LIMA1: variants seen among roughly 807,000 people sequenced by gnomAD.
LIMA1 encodes the protein LIM domain and actin binding 1.
In LIMA1, 52 loss-of-function variants were observed where a neutral mutation model predicts 62.6. The ratio of observed to expected loss-of-function variants is 0.83; its 90% CI spans 0.67 to 1.05. The LOEUF (loss-of-function observed/expected upper bound fraction) is 1.05, where lower values mean the gene tolerates loss of function less well. LIMA1 is among the 50% of genes least tolerant of loss of function. The pLI, the probability that LIMA1 is intolerant of heterozygous loss-of-function variation, is 0.00. For synonymous variants in LIMA1, 302 were observed against 317.8 expected (o/e 0.95, Z 0.53); for missense variants, 780 against 902.2 (o/e 0.86, Z 1.74).
At chr12:50,273,386 A>C (rs1030122997) in intron 1 of LIMA1, among the ~76,000 whole-genome samples, 1 of 152,212 alleles carries the variant, frequency 6.6e-6, no homozygotes, top group African/African-American at 2.4e-5. Context: ...TTCAGTTGGC[A>C]GGGGAAAGAT....
chr12:50,178,218 T>G, intron 10 of LIMA1, 149 bp from the exon 11 acceptor site: 13 of 545,802 alleles, frequency 2.4e-5, no homozygotes, highest in Non-Finnish European at 3.6e-5. Flanking sequence ...AGGAATTCCT[T>G]ACCCCCATTT....
At chr12:50,219,837 T>G (rs1941411516) in intron 4 of LIMA1, 1 of 151,768 alleles carries the variant, frequency 6.6e-6, no homozygotes, top group African/African-American at 2.4e-5. Flanking sequence ...CAATGCATAC[T>G]ACCACACCTG....
chr12:50,234,245 G>C (rs779743407), intron 2 of LIMA1: 30 of 379,470 alleles, frequency 7.9e-5, no homozygotes, highest in Non-Finnish European at 2.6e-5. Flanking sequence ...GTCTTGCTCT[G>C]TTGCCCAGGC....
chr12:50,278,653 T>C (rs184783887), intron 1 of LIMA1, among the ~76,000 whole-genome samples: 89 of 152,350 alleles, frequency 5.8e-4, no homozygotes, highest in African/African-American at 1.9e-3. Context: ...AAATTTGTTC[T>C]CAATTGTTTT....
intron 6 of LIMA1, 143 bp from the exon 7 acceptor site, chr12:50,201,027 G>A: frequency 7.0e-7 from 1 of 1,433,372 alleles, no homozygotes; most frequent in Non-Finnish European, 9.1e-7. Flanking sequence ...ACTCTCACAA[G>A]CAAAACCCAC....
Position 50,220,114 on chromosome 12 carries a change from G to T in LIMA1, c.630+1907C>A, listed in dbSNP as rs374071688. ...CTCACTCTGTTGCCCAGGCTGGAGT[G>T]CAGTGGCATGATCTCGGCTCACTGC... On this transcript the variant is annotated intron_variant, in intron 4 of 10. Transcript: ENST00000341247. Among the ~76,000 whole-genome samples the T allele has an allele frequency of 4.6e-5, 7 of 152,144 alleles. 1 individual carries two copies. The East Asian group carries it at 1.2e-3, about 25-fold the overall frequency.
At chr12:50,244,489 A>G (rs1941821118) in intron 2 of LIMA1, among the ~76,000 whole-genome samples, 1 of 151,960 alleles carries the variant, frequency 6.6e-6, no homozygotes, top group Admixed American at 6.6e-5. Context: ...TCCACCTGCC[A>G]TGGCCTCCCA....
intron 4 of LIMA1, among the ~76,000 whole-genome samples, chr12:50,212,784 A>T (rs981281329): frequency 2.6e-5 from 4 of 152,112 alleles, no homozygotes; most frequent in African/African-American, 9.7e-5. Flanking sequence ...TGATGTAAGA[A>T]CAATGTTTAA....
At chr12:50,257,366 T>C (rs1942010213) in intron 1 of LIMA1, among the ~76,000 whole-genome samples, 1 of 152,168 alleles carries the variant, frequency 6.6e-6, no homozygotes, top group Admixed American at 6.6e-5. Context: ...GTGAGGGTCG[T>C]GATCAACTCA....
intron 9 of LIMA1, chr12:50,188,216 T>C (rs1459507370): frequency 6.6e-6 from 1 of 152,210 alleles, no homozygotes; most frequent in Non-Finnish European, 1.5e-5. Flanking sequence ...TTTTCCAGGA[T>C]GTGTGGGATC....
At chr12:50,195,380 G>A (rs1360873136) in intron 8 of LIMA1, among the ~76,000 whole-genome samples, 5 of 152,110 alleles carry the variant, frequency 3.3e-5, no homozygotes, top group African/African-American at 1.2e-4. Context: ...ACCTGGCTAG[G>A]AGGTTGACTA....
chr12:50,224,760 C>T (rs1004606230), intron 3 of LIMA1, among the ~76,000 whole-genome samples: 3 of 152,112 alleles, frequency 2.0e-5, no homozygotes, highest in Admixed American at 6.6e-5. Flanking sequence ...GACGGGGTCT[C>T]GCTCTGTCAC....
At chr12:50,282,201 C>A (rs987548246) in intron 1 of LIMA1, among the ~76,000 whole-genome samples, 1 of 152,130 alleles carries the variant, frequency 6.6e-6, no homozygotes, top group Non-Finnish European at 1.5e-5. Context: ...TCTACAGGAA[C>A]TTAGAACATG....
intron 1 of LIMA1, among the ~76,000 whole-genome samples, chr12:50,277,211 ACTT>A (rs796533580): frequency 9.2e-5 from 14 of 151,950 alleles, no homozygotes; most frequent in African/African-American, 2.9e-4. Context: ...AATCTTTTTG[ACTT>A]CTTTTTTTTT....
At chr12:50,203,392 T>C (rs918373853) in intron 6 of LIMA1, among the ~76,000 whole-genome samples, 7 of 151,676 alleles carry the variant, frequency 4.6e-5, no homozygotes, top group African/African-American at 1.7e-4. Context: ...GGAAGGACCC[T>C]CCATTGTATT....
chr12:50,247,143 T>A (rs1375586246), intron 2 of LIMA1, among the ~76,000 whole-genome samples: 1 of 150,948 alleles, frequency 6.6e-6, no homozygotes, highest in Non-Finnish European at 1.5e-5. Context: ...GTCTCAACAT[T>A]TTTTTTTTAA....
chr12:50,275,402 A>G (rs889546515), intron 1 of LIMA1, among the ~76,000 whole-genome samples: 17 of 152,112 alleles, frequency 1.1e-4, no homozygotes, highest in African/African-American at 3.6e-4. Context: ...AATTGTTTAT[A>G]TGTGCATAAT....
At chr12:50,244,071 C>A (rs1314900900) in intron 2 of LIMA1, among the ~76,000 whole-genome samples, 1 of 150,254 alleles carries the variant, frequency 6.7e-6, no homozygotes, top group Non-Finnish European at 1.5e-5. Context: ...CGCACCACCA[C>A]CGCCCAGCTA....
At chr12:50,215,892 A>G (rs1160189715) in intron 4 of LIMA1, among the ~76,000 whole-genome samples, 7 of 152,148 alleles carry the variant, frequency 4.6e-5, no homozygotes, top group African/African-American at 1.7e-4. Context: ...TCTACTAAAA[A>G]TACAAAAATT....
Sources: gnomAD v4.1 joint callset for allele counts (sites outside exome capture counted in the v4.1 genomes callset) on GRCh38, gnomAD v4.1.1 for gene constraint, MANE v1.5 for transcripts, NCBI Gene and HGNC (gene_info 2026-07-23, HGNC 2026-07-21) for gene names.